The following PRKAR1B variants were observed in gnomAD, a reference collection of about 807,000 sequenced individuals.
PRKAR1B encodes protein kinase cAMP-dependent type I regulatory subunit beta.
A neutral mutation model predicts 46.5 loss-of-function variants in PRKAR1B; 22 were observed. That is an observed-to-expected ratio of 0.47 (90% CI 0.34 to 0.68). The LOEUF is 0.68. Ranked by LOEUF, PRKAR1B falls within the 30% of genes least tolerant of loss-of-function variation. PRKAR1B has a pLI of 0.01. For missense variants in PRKAR1B, 445 were observed against 535.6 expected (o/e 0.83, Z 1.67); for synonymous variants, 259 against 217.7 (o/e 1.19, Z -1.67).
At chr7:692,968 TC>T (rs985338471) in intron 2 of PRKAR1B, among the ~76,000 whole-genome samples, 6 of 151,662 alleles carry the variant, frequency 4.0e-5, no homozygotes, top group African/African-American at 1.5e-4. Context: ...GGAGTCTCGC[TC>T]TGTTGCCCAG....
intron 4 of PRKAR1B, chr7:608,249 C>T (rs1373175142): frequency 3.3e-5 from 5 of 152,436 alleles, no homozygotes; most frequent in African/African-American, 7.2e-5. Flanking sequence ...CAATGTGACG[C>T]AGAGAAACCA....
At chr7:727,000 G>C in intron 1 of PRKAR1B, 1 of 1,251,896 alleles carries the variant, frequency 8.0e-7, no homozygotes, top group Non-Finnish European at 1.0e-6. Flanking sequence ...GGGCTGCCGC[G>C]CGCTGGCAGT....
At chr7:724,899 T>C (rs781711968) in intron 1 of PRKAR1B, among the ~76,000 whole-genome samples, 10 of 152,214 alleles carry the variant, frequency 6.6e-5, no homozygotes, top group Non-Finnish European at 1.5e-4. Context: ...GGTTACTGAA[T>C]ATGCTACATA....
At chr7:713,750 C>T (rs1339203103) in intron 1 of PRKAR1B, among the ~76,000 whole-genome samples, 1 of 152,244 alleles carries the variant, frequency 6.6e-6, no homozygotes, top group Non-Finnish European at 1.5e-5. Flanking sequence ...AGGCACTACA[C>T]AGGTCACCAG....
chr7:654,170 A>G (rs1435600517), intron 4 of PRKAR1B, among the ~76,000 whole-genome samples: 1 of 148,492 alleles, frequency 6.7e-6, no homozygotes, highest in African/African-American at 2.5e-5. Context: ...TATCATTGCC[A>G]TCTTCATCAC....
At chr7:576,610 G>A (rs1039963306) in intron 9 of PRKAR1B, among the ~76,000 whole-genome samples, 13 of 151,932 alleles carry the variant, frequency 8.6e-5, no homozygotes, top group African/African-American at 1.9e-4. Flanking sequence ...GTGGAGCTCC[G>A]TGAAGCTGGC....
At position 687,953 on chromosome 7, in the gene PRKAR1B, G is replaced by A. The variant is rs148610352; in HGVS notation, c.178-7227C>T. On this transcript the variant is annotated intron_variant, in intron 2 of 10. Coordinates refer to ENST00000537384, the MANE Select transcript of PRKAR1B (RefSeq NM_001164760.2). Reference sequence around the variant, plus strand: ...TCTACCAAAAATACAAAAATTAGCCGGGCATGGTGGCAGGCACCTGTAATT... The same window carrying A: ...TCTACCAAAAATACAAAAATTAGCCAGGCATGGTGGCAGGCACCTGTAATT... Among the ~76,000 whole-genome samples, 1,307 of 150,920 alleles carry A rather than the reference G, an allele frequency of 8.7e-3. 13 individuals are homozygous for A. Among genetic ancestry groups the A allele is most frequent in the Middle Eastern group, 0.032 (9 of 284 alleles).
chr7:614,973 A>T (rs1379384360), intron 4 of PRKAR1B, among the ~76,000 whole-genome samples: 2 of 152,184 alleles, frequency 1.3e-5, no homozygotes, highest in Non-Finnish European at 2.9e-5. Flanking sequence ...GCTACTCGGG[A>T]GGCTGAGGCA....
intron 9 of PRKAR1B, among the ~76,000 whole-genome samples, chr7:552,701 G>A (rs1308413604): frequency 6.6e-6 from 1 of 152,230 alleles, no homozygotes; most frequent in African/African-American, 2.4e-5. Context: ...TTGCCGAGGC[G>A]AGCGGAGGAG....
At chr7:634,224 G>T (rs1783914304) in intron 4 of PRKAR1B, among the ~76,000 whole-genome samples, 1 of 151,866 alleles carries the variant, frequency 6.6e-6, no homozygotes, top group Non-Finnish European at 1.5e-5. Context: ...GGTTTCAAAT[G>T]TGTTGGCCAG....
intron 1 of PRKAR1B, among the ~76,000 whole-genome samples, chr7:722,348 C>A (rs566400270): frequency 6.9e-6 from 1 of 145,290 alleles, no homozygotes; most frequent in Admixed American, 6.9e-5. Flanking sequence ...GTGATCTGCC[C>A]GCCTCGGCCT....
intron 8 of PRKAR1B, among the ~76,000 whole-genome samples, chr7:580,373 G>A (rs1194397000): frequency 6.6e-6 from 1 of 150,896 alleles, no homozygotes; most frequent in Non-Finnish European, 1.5e-5. Flanking sequence ...GGTCAACATG[G>A]CAAAACCCCA....
chr7:610,618 C>T (rs186149757), intron 4 of PRKAR1B, among the ~76,000 whole-genome samples: 2 of 152,332 alleles, frequency 1.3e-5, no homozygotes, highest in Admixed American at 1.3e-4. Flanking sequence ...CAAACGTCTC[C>T]AGGCAACAGC....
At chr7:705,856 G>A (rs1050612558) in intron 2 of PRKAR1B, among the ~76,000 whole-genome samples, 19 of 152,048 alleles carry the variant, frequency 1.2e-4, no homozygotes, top group African/African-American at 2.7e-4. Flanking sequence ...CTGAAACCCC[G>A]TCTCTACTGA....
intron 2 of PRKAR1B, among the ~76,000 whole-genome samples, chr7:688,862 T>A (rs1227297996): frequency 6.6e-6 from 1 of 152,228 alleles, no homozygotes; most frequent in Non-Finnish European, 1.5e-5. Context: ...CTGGGCTTGA[T>A]TCACTGCTAA....
chr7:599,374 C>CT (rs528075494), intron 6 of PRKAR1B, among the ~76,000 whole-genome samples: 1 of 152,004 alleles, frequency 6.6e-6, no homozygotes, highest in South Asian at 2.1e-4. Context: ...CTCGGCTCAC[C>CT]GCAACCTCTG....
chr7:595,610 C>T (rs919929274), intron 7 of PRKAR1B, among the ~76,000 whole-genome samples: 14 of 152,322 alleles, frequency 9.2e-5, no homozygotes, highest in African/African-American at 2.6e-4. Context: ...GCAGCTGAAT[C>T]GGCCCATAGC....
At chr7:711,605 C>CGTT in intron 1 of PRKAR1B, 78 bp from the exon 2 acceptor site, 1 of 1,294,990 alleles carries the variant, frequency 7.7e-7, no homozygotes, top group South Asian at 1.3e-5. Context: ...GCGGCGTGAA[C>CGTT]CAGGCTTCTC....
rs142512817 is a variant in PRKAR1B at position 615,480 on chromosome 7, G to C, written c.441-8028C>G. ...AAAAAGACAGAAAGAAGGAAAGAAA[G>C]AAGAGAAAAGAAAGGAAAGGAAAGG... On this transcript the variant is annotated intron_variant, in intron 4 of 10. Transcript: ENST00000537384. Among the ~76,000 whole-genome samples the C allele has an allele frequency of 2.2e-3, 318 of 144,012 alleles. 2 individuals carry two copies. The highest frequency in any genetic ancestry group is 3.7e-3 in the Middle Eastern group (1 of 272). 94.5% of individuals were successfully genotyped at this position (144,012 alleles called of 152,430 possible). A position where few individuals can be genotyped will look rare whatever the true frequency, so the allele number is the denominator to read the frequency against.
Sources: allele counts gnomAD v4.1 joint callset (sites outside exome capture counted in the v4.1 genomes callset), GRCh38; gene constraint gnomAD v4.1.1; transcripts MANE v1.5; gene names NCBI Gene and HGNC (gene_info 2026-07-23, HGNC 2026-07-21).